MAP3K7: variants seen among roughly 807,000 people sequenced by gnomAD.
MAP3K7 encodes the protein mitogen-activated protein kinase kinase kinase 7.
Under a neutral mutation model 84.8 loss-of-function variants are expected in MAP3K7, and 21 were observed. The observed-to-expected ratio is 0.25, with a 90% confidence interval of 0.18 to 0.36. The LOEUF (loss-of-function observed/expected upper bound fraction) is 0.36, where lower values mean the gene tolerates loss of function less well. MAP3K7 is among the 10% of genes least tolerant of loss of function. MAP3K7 has a pLI of 1.00. For missense variants in MAP3K7, 503 were observed against 747.7 expected (o/e 0.67, Z 3.82); for synonymous variants, 241 against 247.7 (o/e 0.97, Z 0.25).
At chr6:90,529,451 C>T (rs1373927405) in intron 13 of MAP3K7, among the ~76,000 whole-genome samples, 1 of 152,092 alleles carries the variant, frequency 6.6e-6, no homozygotes, top group African/African-American at 2.4e-5. Flanking sequence ...AACTTAGCCT[C>T]TCTGAGACTT....
At chr6:90,524,043 C>T (rs535241375) in intron 13 of MAP3K7, among the ~76,000 whole-genome samples, 1 of 152,270 alleles carries the variant, frequency 6.6e-6, no homozygotes, top group Admixed American at 6.5e-5. Context: ...CTAGTAAGTG[C>T]TTAAGCTGAC....
At chr6:90,537,609 G>A (rs565579251) in intron 12 of MAP3K7, among the ~76,000 whole-genome samples, 5 of 151,884 alleles carry the variant, frequency 3.3e-5, no homozygotes, top group African/African-American at 4.8e-5. Context: ...TTTAAGCTAC[G>A]TTTTATAATT....
At chr6:90,575,959 G>A (rs984845854) in intron 1 of MAP3K7, among the ~76,000 whole-genome samples, 2 of 152,144 alleles carry the variant, frequency 1.3e-5, no homozygotes, top group Non-Finnish European at 2.9e-5. Context: ...TAGCGTATGT[G>A]AAGGGAGGGG....
In MAP3K7 at chr6:90,547,313, G is replaced by A. The variant is rs750197247; in HGVS notation, c.1155C>T (p.Gly385=). ...SVESLPPTSE[G]KRMSADMSEI... The stretch of plus-strand genomic sequence containing the variant: ...CAGACATGTCAGCACTCATCCTCTT[G>A]CCCTCAGAGGTTGGGGGCAAGCTCT... Residue 385 remains glycine (G), a synonymous_variant, in exon 11 of 17, where the codon GGC becomes GGT. Transcript: ENST00000369329. The A allele has an allele frequency of 4.3e-6, 7 of 1,612,742 alleles. No homozygotes were observed. The Admixed American group carries it at 5.0e-5, about 12-fold the overall frequency.
intron 1 of MAP3K7, among the ~76,000 whole-genome samples, chr6:90,579,256 T>G (rs907714781): frequency 3.3e-5 from 5 of 152,192 alleles, no homozygotes; most frequent in African/African-American, 1.2e-4. Context: ...TAATCTCCTT[T>G]AAGAAAAGAG....
intron 13 of MAP3K7, among the ~76,000 whole-genome samples, chr6:90,535,957 A>T (rs1426970993): frequency 2.0e-5 from 3 of 152,198 alleles, no homozygotes; most frequent in Non-Finnish European, 2.9e-5. Context: ...TTATTGGGGA[A>T]ATGTTTACTA....
At chr6:90,577,363 A>G (rs1035374758) in intron 1 of MAP3K7, among the ~76,000 whole-genome samples, 20 of 152,194 alleles carry the variant, frequency 1.3e-4, no homozygotes, top group African/African-American at 4.8e-4. Flanking sequence ...CCAAGAGGAG[A>G]TATCAAGTAA....
At chr6:90,563,376 TA>T (rs1414347361) in intron 3 of MAP3K7, among the ~76,000 whole-genome samples, 2 of 152,142 alleles carry the variant, frequency 1.3e-5, no homozygotes, top group African/African-American at 4.8e-5. Flanking sequence ...GAGAAGACCT[TA>T]AATGACCTGA....
chr6:90,556,417 G>T, intron 6 of MAP3K7, 83 bp downstream of exon 6: 3 of 1,442,744 alleles, frequency 2.1e-6, no homozygotes, highest in Non-Finnish European at 2.8e-6. Flanking sequence ...TAAAACCATG[G>T]AAATGGGGAA....
chr6:90,560,237 A>T, intron 4 of MAP3K7, 23 bp from the exon 5 acceptor site: 1 of 1,613,650 alleles, frequency 6.2e-7, no homozygotes, highest in Non-Finnish European at 8.5e-7. Flanking sequence ...GGCACAAACT[A>T]AAAAGAACTT....
chr6:90,524,949 A>G (rs1043490522), intron 13 of MAP3K7, among the ~76,000 whole-genome samples: 5 of 152,218 alleles, frequency 3.3e-5, no homozygotes, highest in Admixed American at 6.5e-5. Flanking sequence ...AAAAGTAGTA[A>G]TTAATATATA....
At chr6:90,573,205 C>T (rs138993450) in intron 1 of MAP3K7, among the ~76,000 whole-genome samples, 11 of 152,252 alleles carry the variant, frequency 7.2e-5, no homozygotes, top group African/African-American at 1.9e-4. Context: ...TAGTCTAACA[C>T]GGGAATGTTA....
chr6:90,523,673 G>T lies in MAP3K7; in HGVS notation c.1462+5C>A. On this transcript the variant is annotated splice_donor_5th_base_variant and intron_variant, in intron 14 of 16. Transcript: ENST00000369329. ...TTCATAAGTATGAAGAAACAGACTGGTCACCTGTGGAATCATCAGGGGTCC... is the reference window on the plus strand; with the variant it reads ...TTCATAAGTATGAAGAAACAGACTGTTCACCTGTGGAATCATCAGGGGTCC... 1 of 1,597,856 alleles carries T rather than the reference G, an allele frequency of 6.3e-7. No individual in the cohort carries two copies. Among genetic ancestry groups the T allele is most frequent in the Non-Finnish European group, 8.6e-7 (1 of 1,165,544 alleles).
intron 13 of MAP3K7, among the ~76,000 whole-genome samples, chr6:90,533,663 AGT>A (rs1775577710): frequency 6.6e-6 from 1 of 152,130 alleles, no homozygotes; most frequent in African/African-American, 2.4e-5. Context: ...AACATTCCGA[AGT>A]AGTCTTGTTT....
At chr6:90,542,681 G>A (rs147842139) in intron 12 of MAP3K7, among the ~76,000 whole-genome samples, 92 of 152,078 alleles carry the variant, frequency 6.0e-4, no homozygotes, top group African/African-American at 8.7e-4. Flanking sequence ...TAAGTTCTTC[G>A]TCTGTTAAAC....
chr6:90,531,950 G>T (rs1775521493), intron 13 of MAP3K7, among the ~76,000 whole-genome samples: 1 of 144,164 alleles, frequency 6.9e-6, no homozygotes, highest in Non-Finnish European at 1.5e-5. Context: ...CGGGGACTGT[G>T]TCTCGGAAAA....
Position 90,562,514 on chromosome 6 carries a change from C to T in MAP3K7, c.298-847G>A, listed in dbSNP as rs111647340. ...CTGAGATCCAACTGCAAGGCGGCAG[C>T]GACGCTGGGAGAGGGGCGTCTACCA... On this transcript the variant is annotated intron_variant, in intron 3 of 16. Transcript: ENST00000369329. Among the ~76,000 whole-genome samples, 10 of 152,312 alleles carry T rather than the reference C, an allele frequency of 6.6e-5. 1 individual carries two copies. The highest frequency in any genetic ancestry group is 1.2e-4 in the African/African-American group (5 of 41,576).
At chr6:90,584,635 GT>G (rs1244342234) in intron 1 of MAP3K7, among the ~76,000 whole-genome samples, 1 of 152,076 alleles carries the variant, frequency 6.6e-6, no homozygotes, top group Non-Finnish European at 1.5e-5. Flanking sequence ...TTAGTAATTT[GT>G]TTTTCCCTGA....
intron 3 of MAP3K7, among the ~76,000 whole-genome samples, chr6:90,562,901 CATTTGCTGTTCTGCAGT>C (rs1458237078): frequency 1.5e-4 from 23 of 152,168 alleles, no homozygotes; most frequent in African/African-American, 4.8e-4. Context: ...CAAGCAGCAA[CATTTGCTGTTCTGCAGT>C]ATTTGCTGTT....
Sources: allele counts gnomAD v4.1 joint callset (sites outside exome capture counted in the v4.1 genomes callset), GRCh38; gene constraint gnomAD v4.1.1; transcripts MANE v1.5; gene names NCBI Gene and HGNC (gene_info 2026-07-23, HGNC 2026-07-21).